ROPN1B: variants seen among roughly 807,000 people sequenced by gnomAD.
The protein encoded by ROPN1B is rhophilin associated tail protein 1B.
Under a neutral mutation model 23.7 loss-of-function variants are expected in ROPN1B, and 13 were observed. That is an observed-to-expected ratio of 0.55 (90% CI 0.36 to 0.87). The LOEUF is 0.87. Among genes scored for constraint, ROPN1B ranks in the 40% least tolerant of loss-of-function variants. The pLI, the probability that ROPN1B is intolerant of heterozygous loss-of-function variation, is 0.01. For synonymous variants in ROPN1B, 67 were observed against 100.4 expected, an observed-to-expected ratio of 0.67 and a Z score of 1.99; for missense variants, 183 against 249.2, an observed-to-expected ratio of 0.73 and a Z score of 1.79.
Position 125,982,454 on chromosome 3 carries a change from A to T in ROPN1B, c.572+9A>T, listed in dbSNP as rs1428054646. ...TACATTGAACAGGAAGTGTAAGTTA[A>T]CTTTTACCAATTGGAGGTGAAAGAA... On this transcript the variant is annotated intron_variant, in intron 6 of 6. Transcript: ENST00000514116. The T allele has an allele frequency of 6.3e-7, 1 of 1,583,522 alleles. No individual in the cohort carries two copies. Among genetic ancestry groups the T allele is most frequent in the Non-Finnish European group, 8.6e-7 (1 of 1,169,030 alleles).
In ROPN1B at chr3:125,972,161, G is replaced by T; in HGVS notation, c.107G>T (p.Trp36Leu). The T allele has an allele frequency of 6.2e-7, 1 of 1,614,124 alleles. No individual in the cohort carries two copies. The highest frequency in any genetic ancestry group is 8.5e-7 in the Non-Finnish European group (1 of 1,179,964). ...GCGCAGCCGCAGGACCTCATCCAGT[G>T]GGGGGCCGAGTACGTGCTCCTTTCT... is the stretch of plus-strand genomic sequence containing the variant. ...IRAQPQDLIQWGADYFEALSR... is the reference protein window; with the variant it reads ...IRAQPQDLIQLGADYFEALSR... The change falls in exon 3 of 7, where the codon TGG becomes TTG. Residue 36 changes from tryptophan to leucine, a missense_variant. By Grantham distance (61) the Trp-to-Leu change is moderately conservative. Transcript: ENST00000514116.
At chr3:125,981,548 G>A (rs186833180) in intron 5 of ROPN1B, among the ~76,000 whole-genome samples, 1 of 152,108 alleles carries the variant, frequency 6.6e-6, no homozygotes, top group East Asian at 1.9e-4. Context: ...TCAAAGGGTG[G>A]GTTATTTAAA....
chr3:125,970,672 T>C (rs1351264834), intron 1 of ROPN1B, among the ~76,000 whole-genome samples: 1 of 152,212 alleles, frequency 6.6e-6, no homozygotes, highest in East Asian at 1.9e-4. Context: ...TTTTTTCCTC[T>C]GTACAGATTT....
At chr3:125,970,184 G>T (rs1031694843) in intron 1 of ROPN1B, 2 of 151,494 alleles carry the variant, frequency 1.3e-5, no homozygotes, top group Admixed American at 1.3e-4. Context: ...ATGTACAATG[G>T]AACTGACAGG....
At chr3:125,978,921 T>C (rs532456581) in intron 5 of ROPN1B, among the ~76,000 whole-genome samples, 2 of 152,092 alleles carry the variant, frequency 1.3e-5, no homozygotes, top group South Asian at 4.2e-4. Flanking sequence ...ACCGTGTAGA[T>C]GCTAAGTTTC....
intron 6 of ROPN1B, 43 bp downstream of exon 6, chr3:125,982,488 A>C (rs375747865): frequency 1.3e-6 from 2 of 1,535,036 alleles, no homozygotes; most frequent in Non-Finnish European, 1.8e-6. Flanking sequence ...AATACCAGGA[A>C]AACAAATCTA....
intron 2 of ROPN1B, among the ~76,000 whole-genome samples, chr3:125,971,589 A>G (rs1003778654): frequency 1.3e-5 from 2 of 152,240 alleles, no homozygotes; most frequent in African/African-American, 4.8e-5. Flanking sequence ...GTTAATTCAT[A>G]GAGGGTTCAG....
At chr3:125,971,267 A>G (rs942614069) in intron 2 of ROPN1B, 105 bp downstream of exon 2, 1 of 152,192 alleles carries the variant, frequency 6.6e-6, no homozygotes, top group African/African-American at 2.4e-5. Context: ...CAGCAAGGCA[A>G]TGTGAAAGGC....
At chr3:125,983,171 G>A in intron 6 of ROPN1B, 83 bp from the exon 7 acceptor site, 1 of 968,812 alleles carries the variant, frequency 1.0e-6, no homozygotes, top group Non-Finnish European at 1.7e-6. Flanking sequence ...CAGAATTAAT[G>A]TGAAATGAGA....
chr3:125,975,503 G>A, intron 3 of ROPN1B, 60 bp from the exon 4 acceptor site: 1 of 1,484,536 alleles, frequency 6.7e-7, no homozygotes, highest in Non-Finnish European at 9.1e-7. Context: ...AGGATTGCTA[G>A]AACAGCCAGA....
chr3:125,970,679 A>G (rs902217955), intron 1 of ROPN1B, among the ~76,000 whole-genome samples: 9 of 152,116 alleles, frequency 5.9e-5, no homozygotes, highest in African/African-American at 2.2e-4. Flanking sequence ...CTCTGTACAG[A>G]TTTAGTGGTT....
intron 4 of ROPN1B, among the ~76,000 whole-genome samples, chr3:125,976,009 T>C (rs1433067606): frequency 6.6e-6 from 1 of 152,168 alleles, no homozygotes; most frequent in African/African-American, 2.4e-5. Context: ...ATCAAGACCA[T>C]AATATGATGC....
chr3:125,975,545 T>G lies in ROPN1B; in HGVS notation c.117-18T>G. On this transcript the variant is annotated intron_variant, in intron 3 of 6. Transcript: ENST00000514116. ...TGGTGTATAGGATCCTCCTACTCTC[T>G]GACTTTTTTTCTTGTAGTTATTTTG... 6.2e-7 allele frequency: 1 copy of G among 1,601,924 alleles called. No homozygotes were observed. Among genetic ancestry groups the G allele is most frequent in the South Asian group, 1.1e-5 (1 of 89,304 alleles).
At chr3:125,981,483 AC>A (rs1382043878) in intron 5 of ROPN1B, among the ~76,000 whole-genome samples, 3 of 152,220 alleles carry the variant, frequency 2.0e-5, no homozygotes, top group African/African-American at 7.2e-5. Context: ...TCAGTAAACC[AC>A]CAAGATCTGT....
chr3:125,980,020 T>C (rs1289719429), intron 5 of ROPN1B, among the ~76,000 whole-genome samples: 1 of 152,228 alleles, frequency 6.6e-6, no homozygotes, highest in South Asian at 2.1e-4. Flanking sequence ...AAAATAATCA[T>C]GTTCACTGGA....
At chr3:125,972,811 G>A (rs1938265269) in intron 3 of ROPN1B, 1 of 395,400 alleles carries the variant, frequency 2.5e-6, no homozygotes, top group African/African-American at 2.1e-5. Context: ...CTGCATTCTG[G>A]GGAAAGGCCA....
chr3:125,971,534 T>C (rs1938204963), intron 2 of ROPN1B, among the ~76,000 whole-genome samples: 2 of 152,150 alleles, frequency 1.3e-5, no homozygotes, highest in African/African-American at 4.8e-5. Context: ...GAGACGCTCA[T>C]CAAATGGCTG....
At chr3:125,983,153 A>G (rs1938668060) in intron 6 of ROPN1B, 101 bp from the exon 7 acceptor site, 3 of 853,752 alleles carry the variant, frequency 3.5e-6, no homozygotes, top group East Asian at 5.0e-5. Context: ...GAGAAAAAGG[A>G]GCAACAGCAG....
intron 3 of ROPN1B, chr3:125,972,531 C>G: frequency 2.1e-6 from 1 of 481,590 alleles, no homozygotes; most frequent in Non-Finnish European, 3.7e-6. Flanking sequence ...GGAATCTCCG[C>G]AGCTTAATCT....
Sources: allele counts gnomAD v4.1 joint callset (sites outside exome capture counted in the v4.1 genomes callset), GRCh38; gene constraint gnomAD v4.1.1; transcripts MANE v1.5; gene names NCBI Gene and HGNC (gene_info 2026-07-23, HGNC 2026-07-21).